Variants in EXOC6 observed in about 807,000 individuals in gnomAD.
EXOC6 encodes the protein exocyst complex component 6.
EXOC6 carries 60 observed loss-of-function variants against 112.5 expected under a neutral mutation model. That is an observed-to-expected ratio of 0.53 (90% CI 0.43 to 0.66). EXOC6 has a LOEUF of 0.66. Ranked by LOEUF, EXOC6 falls within the 30% of genes least tolerant of loss-of-function variation. The pLI, the probability that EXOC6 is intolerant of heterozygous loss-of-function variation, is 0.00. For synonymous variants in EXOC6, 295 were observed against 308.0 expected, an observed-to-expected ratio of 0.96 and a Z score of 0.44; for missense variants, 855 against 957.1, an observed-to-expected ratio of 0.89 and a Z score of 1.41.
chr10:92,916,820 G>A (rs951550792), intron 7 of EXOC6, among the ~76,000 whole-genome samples: 5 of 152,064 alleles, frequency 3.3e-5, no homozygotes, highest in Non-Finnish European at 7.4e-5. Context: ...AGTTGACAAA[G>A]TCAGTCAGAT....
At chr10:92,898,384 C>T (rs1162885634) in intron 4 of EXOC6, among the ~76,000 whole-genome samples, 1 of 149,820 alleles carries the variant, frequency 6.7e-6, no homozygotes, top group African/African-American at 2.5e-5. Flanking sequence ...AGGCCATGAT[C>T]GTGCCACTGC....
chr10:92,968,884 AC>A (rs1842176371), intron 17 of EXOC6, among the ~76,000 whole-genome samples: 1 of 152,080 alleles, frequency 6.6e-6, no homozygotes, highest in South Asian at 2.1e-4. Context: ...TTTTCCCAAA[AC>A]CGTTTTGTTT....
At chr10:92,921,752 G>A (rs572763353) in intron 8 of EXOC6, among the ~76,000 whole-genome samples, 11 of 150,862 alleles carry the variant, frequency 7.3e-5, no homozygotes, top group Non-Finnish European at 1.3e-4. Context: ...GGGCTCAAGC[G>A]ATTCTCCCAC....
intron 1 of EXOC6, 98 bp from the exon 2 acceptor site, chr10:92,893,251 T>G: frequency 1.2e-6 from 1 of 813,234 alleles, no homozygotes; most frequent in Middle Eastern, 3.7e-4. Context: ...ACCAGTTTAT[T>G]TGTTCAGAGA....
chr10:92,928,912 A>G (rs1405996743), intron 9 of EXOC6, among the ~76,000 whole-genome samples: 1 of 152,264 alleles, frequency 6.6e-6, no homozygotes, highest in Non-Finnish European at 1.5e-5. Flanking sequence ...GTTTTATTGT[A>G]TGTGACTAAT....
chr10:92,979,991 G>T lies in EXOC6; in HGVS notation c.1953+5759G>T, dbSNP rs751642042. Among the ~76,000 whole-genome samples, 99 of 151,588 alleles carry T rather than the reference G, an allele frequency of 6.5e-4. 1 individual carries two copies. Among genetic ancestry groups the T allele is most frequent in the Non-Finnish European group, 1.2e-3 (81 of 67,964 alleles). Reference sequence around the variant, plus strand: ...TTTCTGTGCTGTAGCTGAGAAGGCAGCCTCTCTTCTGGCTACAGGAATTAA... The same window carrying T: ...TTTCTGTGCTGTAGCTGAGAAGGCATCCTCTCTTCTGGCTACAGGAATTAA... On this transcript the variant is annotated intron_variant, in intron 18 of 21. Coordinates refer to ENST00000260762, the MANE Select transcript of EXOC6 (RefSeq NM_019053.6).
At chr10:93,019,807 T>C (rs1009196792) in intron 20 of EXOC6, among the ~76,000 whole-genome samples, 1 of 152,144 alleles carries the variant, frequency 6.6e-6, no homozygotes, top group African/African-American at 2.4e-5. Flanking sequence ...AAGTGAAAAT[T>C]TCACCCAGTT....
intron 18 of EXOC6, among the ~76,000 whole-genome samples, chr10:92,976,017 C>T (rs1342797181): frequency 1.5e-5 from 2 of 129,714 alleles, no homozygotes; most frequent in African/African-American, 5.9e-5. Flanking sequence ...CCCCTCTGCC[C>T]GGCCAGCCGC....
chr10:93,047,128 T>A (rs769496068), intron 20 of EXOC6, among the ~76,000 whole-genome samples: 1 of 152,078 alleles, frequency 6.6e-6, no homozygotes, highest in Admixed American at 6.6e-5. Context: ...AGTGTGGAGG[T>A]TGGCTAATCT....
At chr10:93,017,894 C>A (rs1182758360) in intron 20 of EXOC6, among the ~76,000 whole-genome samples, 1 of 151,510 alleles carries the variant, frequency 6.6e-6, no homozygotes, top group Non-Finnish European at 1.5e-5. Context: ...CCTGTAATCC[C>A]AGTTACTCAG....
At chr10:93,047,328 G>A (rs1219257033) in intron 20 of EXOC6, among the ~76,000 whole-genome samples, 1 of 150,382 alleles carries the variant, frequency 6.6e-6, no homozygotes, top group Non-Finnish European at 1.5e-5. Context: ...CTTGAGCCCC[G>A]GAGTTCGAGA....
chr10:93,007,501 A>T lies in EXOC6; in HGVS notation c.2096-6693A>T, dbSNP rs569386869. 5.4e-4 allele frequency among the ~76,000 whole-genome samples: 82 copies of T among 151,990 alleles called. 1 individual carries two copies. The South Asian group carries it at 9.6e-3, about 18-fold the overall frequency. On this transcript the variant is annotated intron_variant, in intron 19 of 21. Transcript: ENST00000260762. The stretch of plus-strand genomic sequence containing the variant: ...CCCCGTCTCTATTAAAAATACAAAA[A>T]AATTAGCTGGGTGTGGTGGCACATG...
chr10:92,974,629 T>C (rs1180523186), intron 18 of EXOC6, among the ~76,000 whole-genome samples: 1 of 52,852 alleles, frequency 1.9e-5, no homozygotes, highest in Non-Finnish European at 3.2e-5. Flanking sequence ...GAAGCTGCAC[T>C]GTACTGCTGC....
chr10:93,009,660 T>C (rs992471491), intron 19 of EXOC6, among the ~76,000 whole-genome samples: 2 of 151,982 alleles, frequency 1.3e-5, no homozygotes, highest in African/African-American at 4.8e-5. Context: ...GAAGGATAAA[T>C]AAGAGTTTAC....
At chr10:92,843,837 A>G (rs536540883), upstream of EXOC6, among the ~76,000 whole-genome samples, 589 of 152,078 alleles carry the variant, frequency 3.9e-3, 4 homozygotes, top group Non-Finnish European at 6.3e-3. Context: ...AAAATACAAA[A>G]ATTAGCCGGG....
chr10:92,984,303 A>G (rs553310035), intron 18 of EXOC6, among the ~76,000 whole-genome samples: 4 of 152,014 alleles, frequency 2.6e-5, no homozygotes, highest in Non-Finnish European at 5.9e-5. Flanking sequence ...TTCCTTTTTG[A>G]TGAGTGAATA....
At position 92,907,482 on chromosome 10, in the gene EXOC6, G is replaced by A. The variant is rs1201007700; in HGVS notation, c.459-1945G>A. On this transcript the variant is annotated intron_variant, in intron 5 of 21. Coordinates refer to ENST00000260762, the MANE Select transcript of EXOC6 (RefSeq NM_019053.6). ...CGCCAAGATGGGAGGTGAGAGATGA[G>A]CGGCATGAAGGGAGGCACAGTTGTG... Among the ~76,000 whole-genome samples the A allele has an allele frequency of 3.9e-5, 6 of 152,314 alleles. 1 individual carries two copies. The highest frequency in any genetic ancestry group is 6.8e-3 in the Middle Eastern group (2 of 294).
chr10:92,966,529 T>G (rs989857939), intron 17 of EXOC6, among the ~76,000 whole-genome samples: 19 of 147,632 alleles, frequency 1.3e-4, no homozygotes, highest in African/African-American at 4.7e-4. Context: ...TGAGTGAGAA[T>G]ATGCAGTGTT....
upstream of EXOC6, among the ~76,000 whole-genome samples, chr10:92,848,232 A>G (rs1233288066): frequency 6.6e-6 from 1 of 151,982 alleles, no homozygotes; most frequent in African/African-American, 2.4e-5. Context: ...AGACAAGGAG[A>G]TATGTTAAAG....
Sources: allele counts gnomAD v4.1 joint callset (sites outside exome capture counted in the v4.1 genomes callset), GRCh38; gene constraint gnomAD v4.1.1; transcripts MANE v1.5; gene names NCBI Gene and HGNC (gene_info 2026-07-23, HGNC 2026-07-21).